The following CTPS1 variants were observed in gnomAD, a reference collection of about 807,000 sequenced individuals.
The protein encoded by CTPS1 is CTP synthase 1.
A neutral mutation model predicts 80.5 loss-of-function variants in CTPS1; 25 were observed. The ratio of observed to expected loss-of-function variants is 0.31; its 90% CI spans 0.23 to 0.43. The LOEUF is 0.43. Among genes scored for constraint, CTPS1 ranks in the 20% least tolerant of loss-of-function variants. CTPS1 has a pLI of 1.00. For synonymous variants in CTPS1, 267 were observed against 252.5 expected, an observed-to-expected ratio of 1.06 and a Z score of -0.54; for missense variants, 442 against 725.7, an observed-to-expected ratio of 0.61 and a Z score of 4.49.
chr1:40,998,396 T>TAAAAA (rs56282224), intron 9 of CTPS1, among the ~76,000 whole-genome samples: 1 of 64,608 alleles, frequency 1.5e-5, no homozygotes, highest in East Asian at 4.8e-4. Flanking sequence ...AGACTCTGTC[T>TAAAAA]AAAAAAAAAA....
chr1:40,997,414 C>T lies in CTPS1; in HGVS notation c.893C>T (p.Thr298Ile), dbSNP rs946377579. ...MADRYDRLLE[T>I]CSIALVGKYT... is the part of the protein sequence containing the mutation. Reference sequence around the variant, plus strand: ...GATAGATATGATCGCTTGCTGGAGACCTGCTCTATTGCCCTTGTGGGCAAA... The same window carrying T: ...GATAGATATGATCGCTTGCTGGAGATCTGCTCTATTGCCCTTGTGGGCAAA... The change falls in exon 9 of 19, where the codon ACC becomes ATC. Residue 298 changes from threonine to isoleucine, a missense_variant. Transcript: ENST00000650070. The T allele has an allele frequency of 1.9e-6, 3 of 1,613,846 alleles. No individual in the cohort carries two copies. Among genetic ancestry groups the T allele is most frequent in the Non-Finnish European group, 2.5e-6 (3 of 1,179,912 alleles).
intron 10 of CTPS1, 21 bp downstream of exon 10, chr1:41,001,138 T>A (rs373278937): frequency 2.0e-5 from 32 of 1,572,270 alleles, no homozygotes; most frequent in Non-Finnish European, 3.5e-6. Flanking sequence ...TTCGCTGCCT[T>A]GGGTTTCCAG....
chr1:40,990,605 CAA>C (rs1223823276), intron 5 of CTPS1, among the ~76,000 whole-genome samples: 2 of 150,854 alleles, frequency 1.3e-5, no homozygotes, highest in African/African-American at 4.9e-5. Context: ...GGCAATGTGA[CAA>C]GAGCCTGTCT....
At chr1:40,993,774 C>CTTTTTTTTTTTTTTTTTTTTT (rs71278720) in intron 7 of CTPS1, among the ~76,000 whole-genome samples, 1 of 85,772 alleles carries the variant, frequency 1.2e-5, no homozygotes. Context: ...TTTCTTCTCT[C>CTTTTTTTTTTTTTTTTTTTTT]TTTTTTTTTT....
Position 40,982,058 on chromosome 1 carries a change from C to T in CTPS1, c.-13-1220C>T, listed in dbSNP as rs536202145. Reference sequence around the variant, plus strand: ...TTTGGTCACATTTGGGTTTGCTGACCAAATGGACGATCCTGGACCTCTGAA... The same window carrying T: ...TTTGGTCACATTTGGGTTTGCTGACTAAATGGACGATCCTGGACCTCTGAA... On this transcript the variant is annotated intron_variant, in intron 1 of 18. Transcript: ENST00000650070. 1.3e-5 allele frequency: 16 copies of T among 1,215,010 alleles called. No individual in the cohort carries two copies. In the South Asian group the frequency reaches 2.0e-4, roughly 15 times the overall value. The allele number at this position is 1,215,010 out of a possible 1,614,324, so 75.3% of individuals were successfully genotyped here.
chr1:41,010,871 C>A (rs1040208266), intron 18 of CTPS1, among the ~76,000 whole-genome samples: 1 of 152,120 alleles, frequency 6.6e-6, no homozygotes, highest in Non-Finnish European at 1.5e-5. Context: ...GGCACTGCCA[C>A]GAAATGTAAA....
intron 9 of CTPS1, among the ~76,000 whole-genome samples, chr1:40,998,547 T>G (rs149474963): frequency 5.3e-4 from 80 of 152,174 alleles, no homozygotes; most frequent in African/African-American, 1.8e-3. Flanking sequence ...AAAGGGATGG[T>G]GATGGTGCCT....
intron 2 of CTPS1, among the ~76,000 whole-genome samples, chr1:40,984,620 T>C (rs1241409966): frequency 6.6e-6 from 1 of 152,234 alleles, no homozygotes; most frequent in Non-Finnish European, 1.5e-5. Context: ...GTTGACAGGC[T>C]AGAAGTATGA....
In CTPS1 at chr1:40,997,314, T is replaced by C. The variant is rs12047078; in HGVS notation, c.873-80T>C. 0.11 allele frequency: 168,759 copies of C among 1,513,782 alleles called. 11,077 individuals are homozygous for C. The highest frequency in any genetic ancestry group is 0.26 in the East Asian group (11,231 of 43,036). 93.8% of individuals were successfully genotyped at this position (1,513,782 alleles called of 1,614,324 possible). A position where few individuals can be genotyped will look rare whatever the true frequency, so the allele number is the denominator to read the frequency against. ...CATCCTGGCCAGACGTGGTTTTTTT[T>C]CCCTTGAAATAGCTATTTTGGTCTC... On this transcript the variant is annotated intron_variant, in intron 8 of 18. Transcript: ENST00000650070.
rs1000738544 is a variant in CTPS1 at position 40,981,883 on chromosome 1, G to A, written c.-13-1395G>A. The A allele has an allele frequency of 3.7e-5, 29 of 779,372 alleles. 1 individual carries two copies. The South Asian group carries it at 4.5e-4, about 12-fold the overall frequency. 48.3% of individuals were successfully genotyped at this position (779,372 alleles called of 1,614,324 possible). A position where few individuals can be genotyped will look rare whatever the true frequency, so the allele number is the denominator to read the frequency against. Reference sequence around the variant, plus strand: ...TTGCTCTGGGGAGGGGGTGGGGCGGGGGAATGCTTCGAGCACAACTCCTTA... The same window carrying A: ...TTGCTCTGGGGAGGGGGTGGGGCGGAGGAATGCTTCGAGCACAACTCCTTA... On this transcript the variant is annotated intron_variant, in intron 1 of 18. Transcript: ENST00000650070.
At chr1:40,985,419 G>A (rs957979212) in intron 3 of CTPS1, among the ~76,000 whole-genome samples, 22 of 152,344 alleles carry the variant, frequency 1.4e-4, no homozygotes, top group African/African-American at 4.6e-4. Context: ...TTTCCAGGCC[G>A]TTCATCAGTG....
At chr1:41,010,091 G>A (rs1643131750) in intron 17 of CTPS1, 70 bp from the exon 18 acceptor site, 2 of 1,021,910 alleles carry the variant, frequency 2.0e-6, no homozygotes, top group Admixed American at 3.8e-5. Flanking sequence ...TAGGAACCGT[G>A]GTTACAAAAA....
chr1:40,990,979 A>C (rs1178205398), intron 5 of CTPS1, among the ~76,000 whole-genome samples, 186 bp from the exon 6 acceptor site: 1 of 152,202 alleles, frequency 6.6e-6, no homozygotes, highest in Non-Finnish European at 1.5e-5. Flanking sequence ...TACTGCTTAC[A>C]AGCTCGGTTA....
At chr1:40,984,553 G>A (rs183200970) in intron 2 of CTPS1, among the ~76,000 whole-genome samples, 1 of 152,300 alleles carries the variant, frequency 6.6e-6, no homozygotes, top group African/African-American at 2.4e-5. Context: ...ACAGCCCACT[G>A]GGCTGTCATT....
At chr1:41,001,251 TG>T in intron 10 of CTPS1, 134 bp downstream of exon 10, 1 of 605,224 alleles carries the variant, frequency 1.7e-6, no homozygotes, top group Non-Finnish European at 2.8e-6. Flanking sequence ...AAAGACTACA[TG>T]CCATCTGATT....
At chr1:40,992,703 TTA>T (rs1642644623) in intron 7 of CTPS1, among the ~76,000 whole-genome samples, 1 of 150,766 alleles carries the variant, frequency 6.6e-6, no homozygotes, top group African/African-American at 2.4e-5. Flanking sequence ...TTTTTTTTTT[TTA>T]ATTGAGACAG....
rs750664691 is a variant in CTPS1, at chr1:40,983,469, G to A, written c.166+13G>A. ...CCTTATGAGCATGGTAAGCACAGTG[G>A]ATTTCTTCATAATAATTGCATGTGG... On this transcript the variant is annotated intron_variant, in intron 2 of 18. Coordinates refer to ENST00000650070, the MANE Select transcript of CTPS1 (RefSeq NM_001905.4). 11 of 1,585,848 alleles carry A rather than the reference G, an allele frequency of 6.9e-6. No individual in the cohort carries two copies. The highest frequency in any genetic ancestry group is 9.5e-6 in the Non-Finnish European group (11 of 1,161,820).
In CTPS1 at chr1:40,991,151, C is replaced by G. The variant is rs200861913; in HGVS notation, c.556-14C>G. Reference sequence around the variant, plus strand: ...GGGAAACTAACTTTTTTTTTTTTTTCTTTTGTGAAATAGCCAAGTTCAACA... The same window carrying G: ...GGGAAACTAACTTTTTTTTTTTTTTGTTTTGTGAAATAGCCAAGTTCAACA... On this transcript the variant is annotated splice_polypyrimidine_tract_variant and intron_variant, in intron 5 of 18. Coordinates refer to ENST00000650070, the MANE Select transcript of CTPS1 (RefSeq NM_001905.4). 8.7e-6 allele frequency: 12 copies of G among 1,376,038 alleles called. No individual in the cohort carries two copies. The highest frequency in any genetic ancestry group is 2.7e-5 in the East Asian group (1 of 37,036). The allele number at this position is 1,376,038 out of a possible 1,614,324, so 85.2% of individuals were successfully genotyped here.
intron 6 of CTPS1, 60 bp downstream of exon 6, chr1:40,991,308 A>C (rs533748476): frequency 3.3e-5 from 42 of 1,281,422 alleles, no homozygotes; most frequent in Non-Finnish European, 4.5e-5. Context: ...AGATCACTCT[A>C]TCATGACAGA....
Sources: gnomAD v4.1 joint callset for allele counts (sites outside exome capture counted in the v4.1 genomes callset) on GRCh38, gnomAD v4.1.1 for gene constraint, MANE v1.5 for transcripts, NCBI Gene and HGNC (gene_info 2026-07-23, HGNC 2026-07-21) for gene names.